The following LYST variants were observed in gnomAD, a reference collection of about 807,000 sequenced individuals.
LYST encodes lysosomal-trafficking regulator.
A neutral mutation model predicts 413.6 loss-of-function variants in LYST; 192 were observed. The ratio of observed to expected loss-of-function variants is 0.46; its 90% CI spans 0.41 to 0.52. LYST has a LOEUF of 0.52. Ranked by LOEUF, LYST falls within the 20% of genes least tolerant of loss-of-function variation. The pLI is 0.00. For missense variants in LYST, 3,815 were observed against 4,499.9 expected (o/e 0.85, Z 4.35); for synonymous variants, 1,525 against 1,567.3 (o/e 0.97, Z 0.64).
At position 235,759,121 on chromosome 1, in the gene LYST, T is replaced by A; in HGVS notation, c.6732A>T (p.Ala2244=). Residue 2244 remains alanine (A), a synonymous_variant, in exon 23 of 53, where the codon GCA becomes GCT. Coordinates refer to ENST00000389793, the MANE Select transcript of LYST (RefSeq NM_000081.4). ...GTGAAGGAAAAGCTAGCCCAAGGCTTGCAATAGTGCTGTGGCTTCGCTGGA... is the reference window on the plus strand; with the variant it reads ...GTGAAGGAAAAGCTAGCCCAAGGCTAGCAATAGTGCTGTGGCTTCGCTGGA... The part of the protein sequence containing the change: ...ASFQRSHSTI[A]SLGLAFPSQN... 2 of 1,614,192 alleles carry A rather than the reference T, an allele frequency of 1.2e-6. No individual in the cohort carries two copies. The highest frequency in any genetic ancestry group is 1.7e-6 in the Non-Finnish European group (2 of 1,180,020).
chr1:235,807,615 G>A (rs540931326), intron 5 of LYST, among the ~76,000 whole-genome samples: 12 of 152,274 alleles, frequency 7.9e-5, no homozygotes, highest in African/African-American at 2.9e-4. Context: ...CACACACGAA[G>A]ATATTGATAG....
chr1:235,728,214 C>A, intron 37 of LYST, 83 bp from the exon 38 acceptor site: 2 of 983,940 alleles, frequency 2.0e-6, no homozygotes, highest in Non-Finnish European at 3.3e-6. Flanking sequence ...CTCTGGAGTC[C>A]TTTGGTCTGA....
intron 50 of LYST, 107 bp downstream of exon 50, chr1:235,676,984 A>C (rs1659428841): frequency 2.5e-6 from 2 of 794,150 alleles, no homozygotes; most frequent in Admixed American, 3.5e-5. Context: ...CAAAGTATTT[A>C]GATCTGGCAG....
chr1:235,773,977 T>A lies in LYST; in HGVS notation c.5649A>T (p.Gly1883=). 1 of 1,605,856 alleles carries A rather than the reference T, an allele frequency of 6.2e-7. No individual in the cohort carries two copies. The highest frequency in any genetic ancestry group is 8.5e-7 in the Non-Finnish European group (1 of 1,172,682). Residue 1883 remains glycine, a synonymous_variant, in exon 19 of 53, where the codon GGA becomes GGT. Coordinates refer to ENST00000389793, the MANE Select transcript of LYST (RefSeq NM_000081.4). ...GFYILKTLLE[G]CCGEDIIYMN... is the part of the protein sequence containing the mutation. ...TATAAATAATATCTTCACCACAGCA[T>A]CCTTCAAGAAGGGTCTATAGAAAAT...
intron 1 of LYST, among the ~76,000 whole-genome samples, chr1:235,843,071 A>AT (rs1317328526): frequency 1.3e-5 from 2 of 152,170 alleles, no homozygotes; most frequent in African/African-American, 2.4e-5. Context: ...TACCAAGGAC[A>AT]TTACATGTAC....
chr1:235,675,906 A>G (rs1467295848), intron 50 of LYST, among the ~76,000 whole-genome samples: 1 of 152,222 alleles, frequency 6.6e-6, no homozygotes, highest in Non-Finnish European at 1.5e-5. Context: ...TTGTGTTAGA[A>G]AAAAAGAAAC....
chr1:235,785,763 C>T, intron 14 of LYST, among the ~76,000 whole-genome samples: 1 of 152,192 alleles, frequency 6.6e-6, no homozygotes, highest in Non-Finnish European at 1.5e-5. Context: ...TGCTACATTA[C>T]AGTTTCGAAT....
At chr1:235,797,720 G>T (rs1671702497) in intron 10 of LYST, among the ~76,000 whole-genome samples, 1 of 152,080 alleles carries the variant, frequency 6.6e-6, no homozygotes, top group Admixed American at 6.6e-5. Context: ...ATTTGTCAAT[G>T]ATTTCTTAGA....
At chr1:235,725,459 A>C (rs78357932) in intron 38 of LYST, among the ~76,000 whole-genome samples, 8,268 of 152,056 alleles carry the variant, frequency 0.054, 766 homozygotes, top group African/African-American at 0.19. Context: ...AACAAAATAA[A>C]AATAAAGAGG....
intron 17 of LYST, 147 bp from the exon 18 acceptor site, chr1:235,775,233 G>C: frequency 1.5e-6 from 1 of 673,736 alleles, no homozygotes; most frequent in Non-Finnish European, 2.6e-6. Flanking sequence ...TGTAAGGCTT[G>C]TGAATAAACA....
At chr1:235,785,318 A>G (rs548951647) in intron 14 of LYST, among the ~76,000 whole-genome samples, 1 of 152,290 alleles carries the variant, frequency 6.6e-6, no homozygotes, top group African/African-American at 2.4e-5. Flanking sequence ...GTAAATATTC[A>G]TTTAATTGTG....
At chr1:235,827,867 C>T (rs1558308184) in intron 3 of LYST, 10 of 760,760 alleles carry the variant, frequency 1.3e-5, no homozygotes, top group African/African-American at 1.9e-5. Context: ...AAGAAAATAC[C>T]GTATTTGGAA....
Position 235,805,926 on chromosome 1 carries a change from A to C in LYST, c.3210T>G (p.Ile1070Met). Residue 1070 changes from isoleucine (I) to methionine (M), a missense_variant, in exon 6 of 53, where the codon ATT becomes ATG. Coordinates refer to ENST00000389793, the MANE Select transcript of LYST (RefSeq NM_000081.4). ...DSLGKLELQH[I>M]SSINVEEVSA... ...AAACTTCTTCCACATTTATGGAAGA[A>C]ATATGCTGTAACTCTAATTTACCTA... 6.2e-7 allele frequency: 1 copy of C among 1,613,992 alleles called. No individual in the cohort carries two copies. Among genetic ancestry groups the C allele is most frequent in the Non-Finnish European group, 8.5e-7 (1 of 1,179,920 alleles).
intron 50 of LYST, 33 bp downstream of exon 50, chr1:235,677,058 C>T (rs2103035556): frequency 6.6e-7 from 1 of 1,523,842 alleles, no homozygotes; most frequent in Non-Finnish European, 9.1e-7. Flanking sequence ...AGAGCACCAG[C>T]CAGCCCTGTG....
At chr1:235,755,420 A>AAAGAC in intron 25 of LYST, 58 bp downstream of exon 25, 1 of 1,424,374 alleles carries the variant, frequency 7.0e-7, no homozygotes, top group Non-Finnish European at 9.9e-7. Context: ...AAAGAAAAGA[A>AAAGAC]AAGAAAAGAA....
In LYST at chr1:235,674,876, A is replaced by AT. The variant is rs1390940881; in HGVS notation, c.11038+2214dup. On this transcript the variant is annotated intron_variant, in intron 50 of 52. Coordinates refer to ENST00000389793, the MANE Select transcript of LYST (RefSeq NM_000081.4). The surrounding 1 kb of genome is among the most constrained non-coding windows in gnomAD (Gnocchi z 4.1). ...ATGGTTTAGAAAATAGAAAGGACTC[A>AT]TAACATCAATCTTTATCCCCCTTGC... 3.3e-5 allele frequency among the ~76,000 whole-genome samples: 5 copies of AT among 152,200 alleles called. No individual in the cohort carries two copies. The highest frequency in any genetic ancestry group is 2.1e-4 in the South Asian group (1 of 4,834).
Position 235,724,133 on chromosome 1 carries a change from T to A in LYST, c.9210A>T (p.Glu3070Asp). 2 of 1,613,934 alleles carry A rather than the reference T, an allele frequency of 1.2e-6. No homozygotes were observed. Among genetic ancestry groups the A allele is most frequent in the Non-Finnish European group, 1.7e-6 (2 of 1,179,816 alleles). Residue 3070 changes from glutamate to aspartate, a missense_variant, in exon 39 of 53, where the codon GAA becomes GAT. Physicochemically the swap from Glu to Asp is conservative, Grantham distance 45 (BLOSUM62 2). Around this residue, in one of 4 missense-constraint regions of LYST, gnomAD observed 866 missense variants for 1,156.0 expected, o/e 0.75. Coordinates refer to ENST00000389793, the MANE Select transcript of LYST (RefSeq NM_000081.4). ...LEPASFSWTY[E>D]EIKEVHKRWW... is the part of the protein sequence containing the mutation. ...AACGCTTGTGAACTTCTTTAATTTC[T>A]TCATATGTCCAGGAAAATGATGCTG...
In LYST at chr1:235,808,868, T is replaced by G; in HGVS notation, c.1950A>C (p.Leu650Phe). 1 of 1,614,034 alleles carries G rather than the reference T, an allele frequency of 6.2e-7. No individual in the cohort carries two copies. Among genetic ancestry groups the G allele is most frequent in the Non-Finnish European group, 8.5e-7 (1 of 1,179,962 alleles). Reference sequence around the variant, plus strand: ...ATAAGTTTCCCTGCAGTGTCTCTTCTAATTGGGCTAGTTGGTCAGAGTCAA... The same window carrying G: ...ATAAGTTTCCCTGCAGTGTCTCTTCGAATTGGGCTAGTTGGTCAGAGTCAA... ...CTVDSDQLAQ[L>F]EETLQGNLCD... Residue 650 changes from leucine (L) to phenylalanine (F), a missense_variant, in exon 5 of 53, where the codon TTA becomes TTC. Physicochemically the swap from Leu to Phe is conservative, Grantham distance 22. Coordinates refer to ENST00000389793, the MANE Select transcript of LYST (RefSeq NM_000081.4).
intron 12 of LYST, among the ~76,000 whole-genome samples, chr1:235,790,835 T>C (rs531234398): frequency 6.6e-6 from 1 of 152,172 alleles, no homozygotes; most frequent in African/African-American, 2.4e-5. Flanking sequence ...TATTCTAATG[T>C]TGGAGAATGG....
Sources: gnomAD v4.1 joint callset for allele counts (sites outside exome capture counted in the v4.1 genomes callset) on GRCh38, gnomAD v4.1.1 for gene constraint, gnomAD v4.1.1 regional missense constraint, Gnocchi (gnomAD v3.1) non-coding constraint, MANE v1.5 for transcripts, NCBI Gene and HGNC (gene_info 2026-07-23, HGNC 2026-07-21) for gene names.